NSD1: variants seen among roughly 807,000 people sequenced by gnomAD.
The protein encoded by NSD1 is histone-lysine N-methyltransferase, H3 lysine-36 specific.
NSD1 carries 26 observed loss-of-function variants against 242.7 expected under a neutral mutation model. That is an observed-to-expected ratio of 0.11 (90% CI 0.08 to 0.15). The LOEUF (loss-of-function observed/expected upper bound fraction) is 0.15, where lower values mean the gene tolerates loss of function less well. Among genes scored for constraint, NSD1 ranks in the 10% least tolerant of loss-of-function variants. The probability of loss-of-function intolerance (pLI) is 1.00; values close to 1 mark genes in which losing one functional copy is unlikely to be tolerated. For missense variants in NSD1, 2,495 were observed against 3,272.8 expected, an observed-to-expected ratio of 0.76 and a Z score of 5.80; for synonymous variants, 1,106 against 1,178.1, an observed-to-expected ratio of 0.94 and a Z score of 1.25.
rs1760410456 is a variant in NSD1 at position 177,298,833 on chromosome 5, T to C, written c.*3374T>C. On this transcript the variant is annotated 3_prime_UTR_variant, in exon 23 of 23. Coordinates refer to ENST00000439151, the MANE Select transcript of NSD1 (RefSeq NM_022455.5). ...GGGAGTAATGAGGACAGCATGAAAC[T>C]TGGATAGGTTTTACCCTTAGTCCCT... 4.3e-6 allele frequency: 1 copy of C among 233,050 alleles called. No individual in the cohort carries two copies. Among genetic ancestry groups the C allele is most frequent in the Non-Finnish European group, 8.5e-6 (1 of 117,984 alleles). The allele number at this position is 233,050 out of a possible 1,614,324, so 14.4% of individuals were successfully genotyped here.
intron 2 of NSD1, among the ~76,000 whole-genome samples, chr5:177,160,457 C>T (rs1005404805): frequency 1.9e-4 from 29 of 151,376 alleles, no homozygotes; most frequent in African/African-American, 6.1e-4. Context: ...CGTGCCACGA[C>T]GCCCGGCTGA....
chr5:177,279,394 A>T (rs1346396018), intron 17 of NSD1, among the ~76,000 whole-genome samples: 1 of 152,040 alleles, frequency 6.6e-6, no homozygotes, highest in Admixed American at 6.6e-5. Context: ...GCTACCTGGG[A>T]GGCTGAGGCA....
At chr5:177,161,680 C>CTT (rs57657595) in intron 2 of NSD1, among the ~76,000 whole-genome samples, 218 of 135,218 alleles carry the variant, frequency 1.6e-3, no homozygotes, top group South Asian at 4.7e-3. Context: ...TTCTTTCTTT[C>CTT]TTTTTTTTTT....
At chr5:177,274,784 A>AGT (rs1562285775) in intron 17 of NSD1, among the ~76,000 whole-genome samples, 1 of 151,472 alleles carries the variant, frequency 6.6e-6, no homozygotes, top group East Asian at 1.9e-4. Context: ...CCTAGGCTGG[A>AGT]GTGCAGTGGT....
intron 13 of NSD1, among the ~76,000 whole-genome samples, chr5:177,259,780 C>T (rs148259237): frequency 3.7e-4 from 56 of 152,242 alleles, no homozygotes; most frequent in Middle Eastern, 3.4e-3. Context: ...CTGACAGTTA[C>T]GGGATTTGAT....
At chr5:177,176,581 A>AG (rs770414942) in intron 2 of NSD1, among the ~76,000 whole-genome samples, 4 of 152,186 alleles carry the variant, frequency 2.6e-5, no homozygotes, top group South Asian at 2.1e-4. Context: ...ACAGGCACAC[A>AG]CCACCACACC....
At chr5:177,200,988 C>T (rs1762471769) in intron 3 of NSD1, among the ~76,000 whole-genome samples, 1 of 151,792 alleles carries the variant, frequency 6.6e-6, no homozygotes, top group Non-Finnish European at 1.5e-5. Flanking sequence ...CTTCTGTCTC[C>T]TGGGTTCAAG....
In NSD1 at chr5:177,210,922, T is replaced by A; in HGVS notation, c.2523T>A (p.Asn841Lys). The A allele has an allele frequency of 2.5e-6, 4 of 1,614,066 alleles. No individual in the cohort carries two copies. The highest frequency in any genetic ancestry group is 3.4e-6 in the Non-Finnish European group (4 of 1,180,008). ...GKVDGLKLLN[N>K]MHEKTRDSSD... ...TGGATGGTCTAAAACTACTGAACAA[T>A]ATGCATGAGAAAACCAGGGATTCAA... The change falls in exon 5 of 23, where the codon AAT (asparagine) becomes AAA (lysine). Residue 841 changes from asparagine to lysine, a missense_variant. By Grantham distance (94) the Asn-to-Lys change is moderately conservative (BLOSUM62 0). Around this residue, in one of 19 missense-constraint regions of NSD1, gnomAD observed 121 missense variants for 167.2 expected, o/e 0.72. Transcript: ENST00000439151.
chr5:177,211,855 T>C lies in NSD1; in HGVS notation c.3456T>C (p.Asn1152=), dbSNP rs1336471638. Residue 1152 remains asparagine (N), a synonymous_variant, in exon 5 of 23, where the codon AAT becomes AAC. Coordinates refer to ENST00000439151, the MANE Select transcript of NSD1 (RefSeq NM_022455.5). ...NSENDELNGV[N]QVVPKKRWQR... The stretch of plus-strand genomic sequence containing the variant: ...AGAATGATGAACTCAATGGTGTAAA[T>C]CAAGTGGTGCCTAAAAAGCGGTGGC... 4 of 1,613,226 alleles carry C rather than the reference T, an allele frequency of 2.5e-6. No individual in the cohort carries two copies. The East Asian group carries it at 6.7e-5, about 27-fold the overall frequency.
At chr5:177,137,576 G>T (rs980167054) in intron 2 of NSD1, among the ~76,000 whole-genome samples, 1 of 152,136 alleles carries the variant, frequency 6.6e-6, no homozygotes, top group Non-Finnish European at 1.5e-5. Flanking sequence ...ACACATTAGG[G>T]TGGGTAGGCT....
chr5:177,282,718 G>A, intron 19 of NSD1, 137 bp downstream of exon 19: 2 of 772,558 alleles, frequency 2.6e-6, no homozygotes, highest in South Asian at 1.4e-5. Context: ...CTGGATTGGG[G>A]TTCTGGAGTA....
At chr5:177,212,581 C>T (rs1022598889) in intron 5 of NSD1, among the ~76,000 whole-genome samples, 2 of 150,690 alleles carry the variant, frequency 1.3e-5, no homozygotes, top group African/African-American at 2.4e-5. Flanking sequence ...ACGCCATCTG[C>T]CAGCCTTTGC....
chr5:177,185,570 C>T (rs2149813057), intron 2 of NSD1, among the ~76,000 whole-genome samples: 2 of 148,442 alleles, frequency 1.3e-5, no homozygotes, highest in Middle Eastern at 6.8e-3. Flanking sequence ...TGCACTCCAG[C>T]CTGGGGGATG....
chr5:177,188,329 A>G (rs1761397671), intron 2 of NSD1, among the ~76,000 whole-genome samples: 1 of 152,070 alleles, frequency 6.6e-6, no homozygotes, highest in Non-Finnish European at 1.5e-5. Context: ...TTCTAAGTTT[A>G]TTTATTAAGA....
intron 2 of NSD1, among the ~76,000 whole-genome samples, chr5:177,160,494 G>C (rs781103732): frequency 1.4e-5 from 2 of 147,770 alleles, no homozygotes; most frequent in Non-Finnish European, 3.0e-5. Flanking sequence ...GTAGTGACGG[G>C]CTTTCACCAT....
chr5:177,220,313 G>A (rs1764129690), intron 5 of NSD1, among the ~76,000 whole-genome samples: 1 of 152,068 alleles, frequency 6.6e-6, no homozygotes, highest in Non-Finnish European at 1.5e-5. Flanking sequence ...TTGTGACAGT[G>A]TTTTACCTAA....
chr5:177,240,669 C>T (rs958372277), intron 8 of NSD1, among the ~76,000 whole-genome samples: 5 of 151,994 alleles, frequency 3.3e-5, no homozygotes, highest in African/African-American at 7.2e-5. Context: ...GCCGAGATGG[C>T]GCCACTGCAC....
At chr5:177,174,936 A>G (rs893658751) in intron 2 of NSD1, among the ~76,000 whole-genome samples, 6 of 129,438 alleles carry the variant, frequency 4.6e-5, no homozygotes, top group Admixed American at 9.3e-5. Context: ...CAGTGGCGCT[A>G]TCTTGGCCCA....
intron 2 of NSD1, among the ~76,000 whole-genome samples, chr5:177,164,730 G>A (rs1209620722): frequency 2.0e-5 from 3 of 151,920 alleles, no homozygotes; most frequent in Non-Finnish European, 2.9e-5. Context: ...GATCACCTGA[G>A]GTCAGAAGTT....
Sources: allele counts gnomAD v4.1 joint callset (sites outside exome capture counted in the v4.1 genomes callset), GRCh38; gene constraint gnomAD v4.1.1; regional missense constraint gnomAD v4.1.1; transcripts MANE v1.5; gene names NCBI Gene and HGNC (gene_info 2026-07-23, HGNC 2026-07-21).